GRIP1: variants seen among roughly 807,000 people sequenced by gnomAD.
The protein encoded by GRIP1 is glutamate receptor interacting protein 1, also known as glutamate receptor-interacting protein 1.
In GRIP1, 45 loss-of-function variants were observed where a neutral mutation model predicts 129.9. The observed-to-expected ratio is 0.35, with a 90% CI of 0.27 to 0.44. The LOEUF is 0.44. Among genes scored for constraint, GRIP1 ranks in the 20% least tolerant of loss-of-function variants. GRIP1 has a pLI of 1.00. For synonymous variants in GRIP1, 530 were observed against 520.8 expected (o/e 1.02, Z -0.24); for missense variants, 1,196 against 1,396.8 (o/e 0.86, Z 2.29).
chr12:66,688,971 A>C (rs1055304769), intron 1 of GRIP1, among the ~76,000 whole-genome samples: 5 of 152,148 alleles, frequency 3.3e-5, no homozygotes, highest in Non-Finnish European at 7.4e-5. Context: ...CCAGGTGCAC[A>C]AGCCCCCTGC....
chr12:67,046,373 G>C (rs543024966), intron 1 of GRIP1, among the ~76,000 whole-genome samples: 1 of 152,064 alleles, frequency 6.6e-6, no homozygotes, highest in African/African-American at 2.4e-5. Context: ...CCTAATTCAC[G>C]GCGATTCCCT....
At chr12:66,958,412 G>A (rs896984394) in intron 1 of GRIP1, among the ~76,000 whole-genome samples, 4 of 152,106 alleles carry the variant, frequency 2.6e-5, no homozygotes, top group African/African-American at 4.8e-5. Flanking sequence ...CATTAGAAGC[G>A]TGGGCCACCA....
At chr12:66,892,557 T>C (rs2137236684) in intron 1 of GRIP1, among the ~76,000 whole-genome samples, 1 of 151,062 alleles carries the variant, frequency 6.6e-6, no homozygotes, top group South Asian at 2.1e-4. Context: ...TTTTCAGGAG[T>C]CTACCACTCT....
intron 1 of GRIP1, among the ~76,000 whole-genome samples, chr12:66,953,922 G>A (rs2041799486): frequency 6.6e-6 from 1 of 151,902 alleles, no homozygotes; most frequent in Non-Finnish European, 1.5e-5. Context: ...CTCAAAATCT[G>A]GTCTCCTGTT....
At chr12:66,684,505 C>T (rs2034705117) in intron 1 of GRIP1, among the ~76,000 whole-genome samples, 1 of 152,268 alleles carries the variant, frequency 6.6e-6, no homozygotes, top group South Asian at 2.1e-4. Context: ...TTTGCTTTGA[C>T]TCTCAAATCT....
At chr12:67,005,574 T>C (rs1458641886) in intron 1 of GRIP1, among the ~76,000 whole-genome samples, 1 of 152,182 alleles carries the variant, frequency 6.6e-6, no homozygotes, top group Non-Finnish European at 1.5e-5. Context: ...GGACTAGAAG[T>C]ATCAGAGCCA....
At chr12:66,378,725 A>G (rs926845830) in intron 20 of GRIP1, among the ~76,000 whole-genome samples, 12 of 152,096 alleles carry the variant, frequency 7.9e-5, no homozygotes, top group Non-Finnish European at 1.3e-4. Flanking sequence ...AGCCTAGGCA[A>G]TAGAGCGATA....
chr12:66,376,631 G>GCT (rs2055797102), intron 22 of GRIP1, among the ~76,000 whole-genome samples: 1 of 152,164 alleles, frequency 6.6e-6, no homozygotes, highest in Non-Finnish European at 1.5e-5. Flanking sequence ...CAAATAGACT[G>GCT]GCCTTTTTCA....
chr12:66,497,827 G>A (rs1055505198), intron 7 of GRIP1, among the ~76,000 whole-genome samples: 2 of 152,162 alleles, frequency 1.3e-5, no homozygotes, highest in South Asian at 2.1e-4. Context: ...TGACTTGCAC[G>A]TATACGCCCA....
intron 7 of GRIP1, among the ~76,000 whole-genome samples, chr12:66,513,862 C>A (rs2060770970): frequency 6.6e-6 from 1 of 152,136 alleles, no homozygotes; most frequent in African/African-American, 2.4e-5. Flanking sequence ...AATAGTGAAA[C>A]TTGGAGGGCT....
Position 66,885,737 on chromosome 12 carries a change from T to C in GRIP1, c.58+183313A>G, listed in dbSNP as rs79261431. On this transcript the variant is annotated intron_variant, in intron 1 of 1. Coordinates refer to the GRIP1 transcript ENST00000643019. ...CCTCTAAAGCCTCAAGTCTGCATAATCACCAAGCCGCCTTGCCACTCAGGA... is the reference window on the plus strand; with the variant it reads ...CCTCTAAAGCCTCAAGTCTGCATAACCACCAAGCCGCCTTGCCACTCAGGA... Among the ~76,000 whole-genome samples the C allele has an allele frequency of 2.3e-3, 349 of 152,192 alleles. 3 individuals carry two copies. Among genetic ancestry groups the C allele is most frequent in the African/African-American group, 8.0e-3 (334 of 41,546 alleles).
At chr12:66,600,492 G>A (rs995419173) in intron 1 of GRIP1, among the ~76,000 whole-genome samples, 1 of 152,144 alleles carries the variant, frequency 6.6e-6, no homozygotes, top group South Asian at 2.1e-4. Context: ...AGCATTTATT[G>A]TAATCAAAGA....
chr12:66,973,707 C>T (rs1363171437), intron 1 of GRIP1, among the ~76,000 whole-genome samples: 1 of 151,976 alleles, frequency 6.6e-6, no homozygotes, highest in Non-Finnish European at 1.5e-5. Context: ...TATAACATGA[C>T]CCTAAAGTAA....
chr12:66,689,393 T>A (rs962380350), intron 1 of GRIP1, among the ~76,000 whole-genome samples: 5 of 152,130 alleles, frequency 3.3e-5, no homozygotes, highest in African/African-American at 9.7e-5. Context: ...ACCAATCAAG[T>A]CAATCATTGT....
chr12:66,974,227 T>A (rs1344516391), intron 1 of GRIP1, among the ~76,000 whole-genome samples: 1 of 152,034 alleles, frequency 6.6e-6, no homozygotes, highest in Non-Finnish European at 1.5e-5. Context: ...CCTGGCCTGG[T>A]CTTTACTTAA....
At chr12:66,522,423 AG>A (rs2061048843) in intron 5 of GRIP1, among the ~76,000 whole-genome samples, 2 of 152,318 alleles carry the variant, frequency 1.3e-5, no homozygotes, top group East Asian at 1.9e-4. Context: ...CCAGGCAAAC[AG>A]GGTTTGGAGC....
chr12:67,011,342 C>G (rs1414951823), intron 1 of GRIP1, among the ~76,000 whole-genome samples: 1 of 152,154 alleles, frequency 6.6e-6, no homozygotes, highest in Non-Finnish European at 1.5e-5. Flanking sequence ...CCCATCTCTA[C>G]ATAATTGATA....
chr12:66,759,620 T>A (rs1054122302), intron 1 of GRIP1, among the ~76,000 whole-genome samples: 1 of 152,138 alleles, frequency 6.6e-6, no homozygotes, highest in Non-Finnish European at 1.5e-5. Context: ...GAAATGCTTT[T>A]AACAGCACCC....
intron 20 of GRIP1, among the ~76,000 whole-genome samples, chr12:66,378,524 G>A (rs2055927850): frequency 5.9e-5 from 9 of 152,170 alleles, no homozygotes; most frequent in Admixed American, 5.2e-4. Flanking sequence ...GAGGCAGGCG[G>A]ATCATGAGGG....
Sources: allele counts gnomAD v4.1 joint callset (sites outside exome capture counted in the v4.1 genomes callset), GRCh38; gene constraint gnomAD v4.1.1; transcripts MANE v1.5; gene names NCBI Gene and HGNC (gene_info 2026-07-23, HGNC 2026-07-21).